The following RPS6KA5 variants were observed in gnomAD, a reference collection of about 807,000 sequenced individuals.
RPS6KA5 encodes ribosomal protein S6 kinase alpha-5.
RPS6KA5 carries 27 observed loss-of-function variants against 85.5 expected under a neutral mutation model. That is an observed-to-expected ratio of 0.32 (90% CI 0.23 to 0.44). The LOEUF is 0.44. RPS6KA5 is among the 20% of genes least tolerant of loss of function. The pLI is 1.00. For synonymous variants in RPS6KA5, 334 were observed against 348.2 expected, an observed-to-expected ratio of 0.96 and a Z score of 0.46; for missense variants, 811 against 980.9, an observed-to-expected ratio of 0.83 and a Z score of 2.31.
Position 90,860,561 on chromosome 14 carries a change from C to A in RPS6KA5, c.*11513G>T. 1 of 151,892 alleles carries A rather than the reference C, an allele frequency of 6.6e-6. No individual in the cohort carries two copies. Among genetic ancestry groups the A allele is most frequent in the Non-Finnish European group, 1.5e-5 (1 of 67,950 alleles). 9.4% of individuals were successfully genotyped at this position (151,892 alleles called of 1,614,324 possible). A position where few individuals can be genotyped will look rare whatever the true frequency, so the allele number is the denominator to read the frequency against. ...AAATAAAATAAAATAAAATGGTGAA[C>A]CTAGTATTTCATACAAGGCAAAAAT... On this transcript the variant is annotated 3_prime_UTR_variant, in exon 17 of 17. Transcript: ENST00000614987.
chr14:90,876,203 G>A (rs2033461207), intron 14 of RPS6KA5, among the ~76,000 whole-genome samples: 1 of 152,136 alleles, frequency 6.6e-6, no homozygotes, highest in South Asian at 2.1e-4. Context: ...TAATCCAACT[G>A]CTTCAAAAAG....
chr14:90,968,779 G>C (rs1595364079), intron 3 of RPS6KA5, among the ~76,000 whole-genome samples: 1 of 152,206 alleles, frequency 6.6e-6, no homozygotes, highest in South Asian at 2.1e-4. Flanking sequence ...TTTTGGGTTA[G>C]TTATGCAGAA....
At chr14:90,911,401 T>A (rs1213469820) in intron 7 of RPS6KA5, 3 of 152,248 alleles carry the variant, frequency 2.0e-5, no homozygotes. Flanking sequence ...TCATGGGTTG[T>A]TTATTTATTT....
intron 3 of RPS6KA5, among the ~76,000 whole-genome samples, chr14:90,958,677 C>T (rs1296092): frequency 0.7 from 106,101 of 152,004 alleles, 37,322 homozygotes; most frequent in East Asian, 0.87. Context: ...TCTTATTATG[C>T]ATCAGCCTCT....
chr14:91,009,313 C>G (rs559953422), intron 1 of RPS6KA5, among the ~76,000 whole-genome samples: 2 of 152,326 alleles, frequency 1.3e-5, no homozygotes, highest in African/African-American at 4.8e-5. Context: ...TAGAAAACAT[C>G]ATCTATGAAG....
chr14:90,987,243 T>C lies in RPS6KA5; in HGVS notation c.176-8719A>G, dbSNP rs539631997. Reference sequence around the variant, plus strand: ...TGAATACATGCTTTTAAAGGTATTATTTTAATACGGATACTTTCCAAACAC... The same window carrying C: ...TGAATACATGCTTTTAAAGGTATTACTTTAATACGGATACTTTCCAAACAC... On this transcript the variant is annotated intron_variant, in intron 2 of 16. Coordinates refer to ENST00000614987, the MANE Select transcript of RPS6KA5 (RefSeq NM_004755.4). Among the ~76,000 whole-genome samples, 4 of 152,338 alleles carry C rather than the reference T, an allele frequency of 2.6e-5. No homozygotes were observed. The South Asian group carries it at 6.2e-4, about 24-fold the overall frequency.
At chr14:90,931,269 T>C (rs2036962229) in intron 5 of RPS6KA5, among the ~76,000 whole-genome samples, 1 of 152,086 alleles carries the variant, frequency 6.6e-6, no homozygotes, top group Admixed American at 6.6e-5. Flanking sequence ...CTATGCTAAG[T>C]GAAATAGTCA....
chr14:90,881,717 T>G (rs1280414371), intron 14 of RPS6KA5, among the ~76,000 whole-genome samples: 1 of 151,968 alleles, frequency 6.6e-6, no homozygotes, highest in Non-Finnish European at 1.5e-5. Context: ...GCCAGGCTGG[T>G]CTCGAACTTC....
rs951369278 is a variant in RPS6KA5, at chr14:90,866,595, C to A, written c.*5479G>T. The A allele has an allele frequency of 6.6e-6, 1 of 152,160 alleles. No homozygotes were observed. Among genetic ancestry groups the A allele is most frequent in the Non-Finnish European group, 1.5e-5 (1 of 68,022 alleles). The allele number at this position is 152,160 out of a possible 1,614,324, so 9.4% of individuals were successfully genotyped here. A position where few individuals can be genotyped will look rare whatever the true frequency, so the allele number is the denominator to read the frequency against. ...ACCTTTTAGTAAGACAAATTCTTAT[C>A]TTTATGTAAAACTGTGGAAGAGCAG... is the stretch of plus-strand genomic sequence containing the variant. On this transcript the variant is annotated 3_prime_UTR_variant, in exon 17 of 17. Transcript: ENST00000614987.
chr14:90,948,194 T>C (rs769932970), intron 3 of RPS6KA5, among the ~76,000 whole-genome samples: 5 of 152,208 alleles, frequency 3.3e-5, no homozygotes, highest in Non-Finnish European at 7.4e-5. Flanking sequence ...AAGACATAAA[T>C]AGGGGAGCTG....
chr14:90,850,815 C>G lies in RPS6KA5; in HGVS notation c.*21259G>C, dbSNP rs944687065. Reference sequence around the variant, plus strand: ...CGACAGTTTGATCTGATCATCTATGCATTCCTCTGAAATAAATGAAGTCAA... The same window carrying G: ...CGACAGTTTGATCTGATCATCTATGGATTCCTCTGAAATAAATGAAGTCAA... On this transcript the variant is annotated 3_prime_UTR_variant, in exon 17 of 17. Coordinates refer to ENST00000614987, the MANE Select transcript of RPS6KA5 (RefSeq NM_004755.4). The G allele has an allele frequency of 1.3e-5, 2 of 152,198 alleles. No homozygotes were observed. Among genetic ancestry groups the G allele is most frequent in the African/African-American group, 4.8e-5 (2 of 41,442 alleles). 9.4% of individuals were successfully genotyped at this position (152,198 alleles called of 1,614,324 possible). A position where few individuals can be genotyped will look rare whatever the true frequency, so the allele number is the denominator to read the frequency against.
chr14:90,902,062 C>A (rs1308066506), intron 9 of RPS6KA5, among the ~76,000 whole-genome samples: 2 of 151,054 alleles, frequency 1.3e-5, no homozygotes, highest in African/African-American at 4.9e-5. Flanking sequence ...CACCTGTGGT[C>A]CCAGCTATTC....
intron 3 of RPS6KA5, among the ~76,000 whole-genome samples, chr14:90,955,336 T>C (rs534215003): frequency 5.3e-5 from 8 of 152,340 alleles, no homozygotes; most frequent in African/African-American, 1.9e-4. Flanking sequence ...GGTGTGATCA[T>C]AGCTTACTGC....
At chr14:90,873,560 G>A in intron 16 of RPS6KA5, 72 bp downstream of exon 16, 55 of 1,313,756 alleles carry the variant, frequency 4.2e-5, no homozygotes, top group Non-Finnish European at 5.7e-5. Context: ...CGTATCTGAG[G>A]CTACAGAGTA....
intron 14 of RPS6KA5, 33 bp from the exon 15 acceptor site, chr14:90,875,393 T>G: frequency 6.3e-7 from 1 of 1,590,052 alleles, no homozygotes; most frequent in Non-Finnish European, 8.6e-7. Context: ...ACAGAATGAC[T>G]ACCCAGATCT....
chr14:90,911,141 AT>A (rs10709039), intron 7 of RPS6KA5, among the ~76,000 whole-genome samples: 4,959 of 152,148 alleles, frequency 0.033, 267 homozygotes, highest in African/African-American at 0.11. Flanking sequence ...TTTGTCTATT[AT>A]TTATCTCTCT....
chr14:90,932,014 T>C (rs1752142983), intron 5 of RPS6KA5, among the ~76,000 whole-genome samples: 2 of 152,198 alleles, frequency 1.3e-5, no homozygotes, highest in Admixed American at 1.3e-4. Context: ...TAAAACACAA[T>C]TAAAATTAAT....
intron 3 of RPS6KA5, among the ~76,000 whole-genome samples, chr14:90,970,562 G>C (rs1444542136): frequency 3.3e-5 from 5 of 152,154 alleles, no homozygotes; most frequent in Non-Finnish European, 7.3e-5. Context: ...TCTGATTAAT[G>C]TAACAATTTA....
At chr14:90,893,462 T>C (rs2034668982) in intron 13 of RPS6KA5, among the ~76,000 whole-genome samples, 1 of 152,186 alleles carries the variant, frequency 6.6e-6, no homozygotes, top group Non-Finnish European at 1.5e-5. Context: ...TTCTTTTCCA[T>C]GTGAAGTAGA....
Sources: allele counts gnomAD v4.1 joint callset (sites outside exome capture counted in the v4.1 genomes callset), GRCh38; gene constraint gnomAD v4.1.1; transcripts MANE v1.5; gene names NCBI Gene and HGNC (gene_info 2026-07-23, HGNC 2026-07-21).